The following SYNE2 variants were observed in gnomAD, a reference collection of about 807,000 sequenced individuals.
SYNE2 encodes the protein nesprin-2.
A neutral mutation model predicts 856.3 loss-of-function variants in SYNE2; 431 were observed. That is an observed-to-expected ratio of 0.50 (90% confidence interval 0.47 to 0.55). The LOEUF is 0.55. SYNE2 is among the 20% of genes least tolerant of loss of function. The pLI is 0.00. For missense variants in SYNE2, 8,129 were observed against 8,023.2 expected (o/e 1.01, Z -0.50); for synonymous variants, 2,923 against 2,872.3 (o/e 1.02, Z -0.56).
chr14:63,862,257 G>A (rs942387239), intron 1 of SYNE2, among the ~76,000 whole-genome samples: 23 of 152,160 alleles, frequency 1.5e-4, no homozygotes, highest in Non-Finnish European at 1.9e-4. Flanking sequence ...ACATATATTC[G>A]TATTTGCATA....
At chr14:63,860,677 TA>T (rs1430808368) in intron 1 of SYNE2, among the ~76,000 whole-genome samples, 1 of 152,252 alleles carries the variant, frequency 6.6e-6, no homozygotes, top group Non-Finnish European at 1.5e-5. Context: ...TGCAGTTTGT[TA>T]TCAGTGAGTA....
chr14:64,152,275 A>C (rs758089585), intron 84 of SYNE2, among the ~76,000 whole-genome samples: 1 of 152,328 alleles, frequency 6.6e-6, no homozygotes, highest in Middle Eastern at 3.4e-3. Context: ...ATGCCTGGTC[A>C]AACAGCCAGT....
intron 65 of SYNE2, among the ~76,000 whole-genome samples, chr14:64,110,513 T>A (rs1403671624): frequency 1.3e-5 from 2 of 151,732 alleles, no homozygotes; most frequent in Non-Finnish European, 2.9e-5. Flanking sequence ...AAAGGCTAGC[T>A]ATTATTAATT....
intron 22 of SYNE2, 60 bp downstream of exon 22, chr14:63,994,029 G>A (rs1594740208): frequency 2.6e-6 from 4 of 1,566,774 alleles, no homozygotes; most frequent in South Asian, 1.1e-5. Flanking sequence ...TGGGCTGTTG[G>A]TTGTCAGAGC....
intron 1 of SYNE2, among the ~76,000 whole-genome samples, chr14:63,878,147 A>G (rs1186031444): frequency 1.3e-5 from 2 of 152,022 alleles, no homozygotes; most frequent in East Asian, 1.9e-4. Flanking sequence ...TTGGCCTCCC[A>G]AAGTGCTAGG....
chr14:63,942,225 AG>A, intron 6 of SYNE2, 82 bp downstream of exon 6: 1 of 855,232 alleles, frequency 1.2e-6, no homozygotes, highest in East Asian at 2.5e-5. Context: ...TGAGTGGACT[AG>A]ATTCAGTCCT....
chr14:63,763,040 T>C (rs1391744924), intron 1 of SYNE2, among the ~76,000 whole-genome samples: 1 of 152,226 alleles, frequency 6.6e-6, no homozygotes, highest in Non-Finnish European at 1.5e-5. Context: ...CAATCTTGGC[T>C]CACTGCAACC....
chr14:63,829,169 T>G (rs1223164987), intron 1 of SYNE2, among the ~76,000 whole-genome samples: 1 of 152,016 alleles, frequency 6.6e-6, no homozygotes, highest in African/African-American at 2.4e-5. Flanking sequence ...TTTCAACAGT[T>G]TAGGAGGTCG....
At chr14:63,831,721 A>G (rs7144861) in intron 1 of SYNE2, among the ~76,000 whole-genome samples, 5,257 of 151,606 alleles carry the variant, frequency 0.035, 180 homozygotes, top group African/African-American at 0.084. Flanking sequence ...ACACCTGGCT[A>G]ATTTTTGTAT....
At position 64,190,215 on chromosome 14, in the gene SYNE2, C is replaced by G. The variant is rs754076253; in HGVS notation, c.18016C>G (p.Leu6006Val). The G allele has an allele frequency of 3.7e-6, 6 of 1,614,036 alleles. No individual in the cohort carries two copies. The highest frequency in any genetic ancestry group is 1.6e-4 in the Middle Eastern group (1 of 6,062). Reference sequence around the variant, plus strand: ...CAAAATTAACGATCGTTGGCAACATCTTTTTGATGTCATCGGATCAAGGTA... The same window carrying G: ...CAAAATTAACGATCGTTGGCAACATGTTTTTGATGTCATCGGATCAAGGTA... Reference protein sequence around the residue: ...LNKINDRWQHLFDVIGSRVKK... With the variant: ...LNKINDRWQHVFDVIGSRVKK... The change falls in exon 99 of 116, where the codon CTT becomes GTT. Residue 6006 changes from leucine (L) to valine (V), a missense_variant. This residue lies in a region of SYNE2 where 5,410 missense variants were observed against 5,284.8 expected (regional missense o/e 1.02). Transcript: ENST00000555002.
At chr14:64,177,286 T>G in intron 95 of SYNE2, 72 bp from the exon 96 acceptor site, 331 of 1,556,960 alleles carry the variant, frequency 2.1e-4, no homozygotes, top group Non-Finnish European at 2.6e-4. Flanking sequence ...GTGGATTAAA[T>G]GAGCTATTCT....
chr14:64,086,311 A>G (rs1245299340), intron 57 of SYNE2, among the ~76,000 whole-genome samples: 1 of 152,218 alleles, frequency 6.6e-6, no homozygotes, highest in African/African-American at 2.4e-5. Context: ...AATTGACCTT[A>G]TACATGTGCA....
rs376577230 is a variant in SYNE2, at chr14:64,105,801, TG to T, written c.12493-1689del. On this transcript the variant is annotated intron_variant, in intron 64 of 115. Transcript: ENST00000555002. Reference sequence around the variant, plus strand: ...AGGCTAGGTGCAGTTGTCTCATGCCTGTAATCCTAGCACTTTGGGAGGCTGA... The same window carrying T: ...AGGCTAGGTGCAGTTGTCTCATGCCTTAATCCTAGCACTTTGGGAGGCTGA... Among the ~76,000 whole-genome samples, 212 of 152,260 alleles carry T rather than the reference TG, an allele frequency of 1.4e-3. 1 individual carries two copies. Among genetic ancestry groups the T allele is most frequent in the African/African-American group, 4.8e-3 (201 of 41,538 alleles).
intron 1 of SYNE2, among the ~76,000 whole-genome samples, chr14:63,807,844 T>TATAA: frequency 9.8e-6 from 1 of 101,750 alleles, no homozygotes; most frequent in African/African-American, 3.4e-5. Context: ...TATATATATA[T>TATAA]ATATATATAT....
intron 11 of SYNE2, among the ~76,000 whole-genome samples, chr14:63,971,966 GAA>G (rs765645444): frequency 6.6e-5 from 10 of 152,176 alleles, no homozygotes; most frequent in Non-Finnish European, 1.5e-4. Flanking sequence ...CTCTTCACAG[GAA>G]AAGTTTGCTG....
At position 64,017,481 on chromosome 14, in the gene SYNE2, G is replaced by A. The variant is rs76073275; in HGVS notation, c.4888-114G>A. On this transcript the variant is annotated intron_variant, in intron 33 of 115. Transcript: ENST00000555002. ...CAAATTTTTGTTGATGAATAAAGCA[G>A]ATTATCCAGTAATAGTAAACTAAAA... 2,763 of 856,072 alleles carry A rather than the reference G, an allele frequency of 3.2e-3. 60 individuals are homozygous for A. The East Asian group carries it at 0.036, about 11-fold the overall frequency. 53.0% of individuals were successfully genotyped at this position (856,072 alleles called of 1,614,324 possible).
intron 1 of SYNE2, among the ~76,000 whole-genome samples, chr14:63,816,973 C>T (rs1889017600): frequency 6.6e-6 from 1 of 152,162 alleles, no homozygotes; most frequent in African/African-American, 2.4e-5. Flanking sequence ...CCTTGAACTC[C>T]TGACCTCAAG....
At chr14:64,090,589 G>A (rs1344337407) in intron 59 of SYNE2, among the ~76,000 whole-genome samples, 2 of 151,730 alleles carry the variant, frequency 1.3e-5, no homozygotes, top group African/African-American at 2.4e-5. Context: ...ACAGCAGAAC[G>A]CCAGTTCTAC....
intron 8 of SYNE2, among the ~76,000 whole-genome samples, chr14:63,958,260 A>G (rs1474093275): frequency 4.6e-5 from 7 of 152,138 alleles, no homozygotes; most frequent in Non-Finnish European, 1.0e-4. Flanking sequence ...GTGTTTACCT[A>G]ATGACTTTTT....
Sources: allele counts gnomAD v4.1 joint callset (sites outside exome capture counted in the v4.1 genomes callset), GRCh38; gene constraint gnomAD v4.1.1; regional missense constraint gnomAD v4.1.1; transcripts MANE v1.5; gene names NCBI Gene and HGNC (gene_info 2026-07-23, HGNC 2026-07-21).